PDHX: variants seen among roughly 807,000 people sequenced by gnomAD.
The protein encoded by PDHX is pyruvate dehydrogenase protein X component, mitochondrial.
PDHX carries 33 observed loss-of-function variants against 55.3 expected under a neutral mutation model. The observed-to-expected ratio is 0.60, with a 90% CI of 0.45 to 0.80. PDHX has a LOEUF of 0.80. Ranked by LOEUF, PDHX falls within the 30% of genes least tolerant of loss-of-function variation. The pLI, the probability that PDHX is intolerant of heterozygous loss-of-function variation, is 0.00. For synonymous variants in PDHX, 226 were observed against 219.4 expected (o/e 1.03, Z -0.27); for missense variants, 622 against 619.9 (o/e 1.00, Z -0.04).
chr11:34,977,898 A>G, intron 7 of PDHX: 1 of 576,500 alleles, frequency 1.7e-6, no homozygotes, highest in Non-Finnish European at 3.3e-6. Flanking sequence ...TTGATAACCA[A>G]GGCCCAGAAG....
intron 1 of PDHX, among the ~76,000 whole-genome samples, chr11:34,917,236 G>A (rs2986414): frequency 0.36 from 54,028 of 151,846 alleles, 10,194 homozygotes; most frequent in East Asian, 0.74. Context: ...TATTCTCTAG[G>A]CCTCTCTCTG....
At chr11:34,975,709 A>T (rs1218699714) in intron 7 of PDHX, among the ~76,000 whole-genome samples, 1 of 152,026 alleles carries the variant, frequency 6.6e-6, no homozygotes, top group African/African-American at 2.4e-5. Flanking sequence ...CTCTGAGTGG[A>T]TTATCACTCT....
At chr11:34,951,354 C>T (rs1315790822) in intron 3 of PDHX, among the ~76,000 whole-genome samples, 17 of 152,076 alleles carry the variant, frequency 1.1e-4, no homozygotes, top group African/African-American at 3.4e-4. Flanking sequence ...CCACCGCGCC[C>T]GGCCTGTTTC....
chr11:34,918,335 G>A (rs552782801), intron 1 of PDHX, among the ~76,000 whole-genome samples: 1 of 151,910 alleles, frequency 6.6e-6, no homozygotes, highest in Non-Finnish European at 1.5e-5. Flanking sequence ...TACTCCAGGG[G>A]CTGAGGCAGG....
intron 5 of PDHX, among the ~76,000 whole-genome samples, chr11:34,964,851 ATAT>A (rs975324503): frequency 1.4e-4 from 18 of 130,404 alleles, no homozygotes; most frequent in African/African-American, 5.5e-4. Context: ...AGCTATTAGC[ATAT>A]TATTAGCATA....
chr11:34,950,458 C>G lies in PDHX; in HGVS notation c.342+2852C>G, dbSNP rs1238532888. Among the ~76,000 whole-genome samples the G allele has an allele frequency of 2.0e-5, 3 of 150,186 alleles. No homozygotes were observed. In the East Asian group the frequency reaches 5.9e-4, roughly 29 times the overall value. ...GTTACATATGTATACATGTGCCATG[C>G]TGGTGTGCTGCACCCATTAACTCGT... On this transcript the variant is annotated intron_variant, in intron 3 of 10. Transcript: ENST00000227868.
Position 34,916,685 on chromosome 11 carries a change from T to A in PDHX, c.30T>A (p.Asp10Glu). The A allele has an allele frequency of 6.2e-7, 1 of 1,611,804 alleles. No homozygotes were observed. Among genetic ancestry groups the A allele is most frequent in the Non-Finnish European group, 8.5e-7 (1 of 1,179,938 alleles). ...CGGCCTCCTGGAGGCTGGGCTGTGATCCGCGGCTGCTGCGTTATCTTGTGG... is the reference window on the plus strand; with the variant it reads ...CGGCCTCCTGGAGGCTGGGCTGTGAACCGCGGCTGCTGCGTTATCTTGTGG... MAASWRLGC[D>E]PRLLRYLVGF... Residue 10 changes from aspartate to glutamate, a missense_variant, in exon 1 of 11, where the codon GAT becomes GAA. Asp to Glu is a conservative substitution (Grantham distance 45). Coordinates refer to ENST00000227868, the MANE Select transcript of PDHX (RefSeq NM_003477.3).
intron 1 of PDHX, 108 bp downstream of exon 1, chr11:34,916,923 C>T: frequency 1.9e-6 from 2 of 1,073,442 alleles, no homozygotes; most frequent in Non-Finnish European, 1.4e-6. Context: ...TGCGCGGGCT[C>T]CTTATTCCCT....
At chr11:34,941,035 A>G (rs145634219) in intron 2 of PDHX, among the ~76,000 whole-genome samples, 1 of 152,016 alleles carries the variant, frequency 6.6e-6, no homozygotes, top group East Asian at 1.9e-4. Flanking sequence ...GGTGATGGAA[A>G]TGTTCTGTGT....
chr11:34,955,810 CT>C (rs59718767), intron 3 of PDHX, among the ~76,000 whole-genome samples: 6 of 151,102 alleles, frequency 4.0e-5, no homozygotes, highest in African/African-American at 1.2e-4. Context: ...TAAAGCAAAA[CT>C]TTTTTTAATG....
intron 5 of PDHX, among the ~76,000 whole-genome samples, chr11:34,965,585 A>G (rs1855113667): frequency 1.3e-5 from 2 of 152,238 alleles, no homozygotes; most frequent in South Asian, 2.1e-4. Flanking sequence ...AGTGACATCC[A>G]TCATATTCAC....
intron 10 of PDHX, 143 bp from the exon 11 acceptor site, chr11:34,994,771 T>C: frequency 1.2e-6 from 1 of 810,746 alleles, no homozygotes; most frequent in Non-Finnish European, 2.0e-6. Context: ...TTGTAAATAC[T>C]AAATGTTTCC....
intron 8 of PDHX, among the ~76,000 whole-genome samples, chr11:34,981,532 G>A (rs989808714): frequency 9.9e-5 from 15 of 152,114 alleles, no homozygotes; most frequent in Non-Finnish European, 2.1e-4. Context: ...GGGATTGCTG[G>A]GTCAAATGGT....
chr11:34,953,297 C>T (rs1481242547), intron 3 of PDHX, among the ~76,000 whole-genome samples: 1 of 152,160 alleles, frequency 6.6e-6, no homozygotes, highest in East Asian at 1.9e-4. Context: ...ATGCCATCCC[C>T]ATCAAGCTAC....
In PDHX at chr11:34,957,482, A is replaced by G. The variant is rs1854930723; in HGVS notation, c.441A>G (p.Val147=). The change falls in exon 4 of 11, where the codon GTA becomes GTG. Residue 147 remains valine, a synonymous_variant. Transcript: ENST00000227868. The stretch of plus-strand genomic sequence containing the variant: ...AACATGTTGAAATTCCCAAAGACGT[A>G]GGTCCTCCACCACCAGTTTCAAAAC... ...DWKHVEIPKD[V]GPPPPVSKPS... 2 of 1,613,748 alleles carry G rather than the reference A, an allele frequency of 1.2e-6. No homozygotes were observed. The highest frequency in any genetic ancestry group is 2.7e-5 in the African/African-American group (2 of 74,902).
intron 5 of PDHX, among the ~76,000 whole-genome samples, chr11:34,963,110 C>T (rs1855056051): frequency 6.6e-6 from 1 of 151,956 alleles, no homozygotes; most frequent in Non-Finnish European, 1.5e-5. Flanking sequence ...AGGATTTTTG[C>T]TTTTCTATAC....
chr11:34,925,801 A>T (rs997164305), intron 1 of PDHX, among the ~76,000 whole-genome samples: 5 of 152,194 alleles, frequency 3.3e-5, no homozygotes, highest in African/African-American at 1.2e-4. Context: ...CACTGACATG[A>T]TGCTCAGAGG....
At chr11:34,922,360 A>G (rs1853903742) in intron 1 of PDHX, among the ~76,000 whole-genome samples, 1 of 152,212 alleles carries the variant, frequency 6.6e-6, no homozygotes, top group African/African-American at 2.4e-5. Context: ...AGCTTACTAT[A>G]TACTATGCAC....
intron 2 of PDHX, among the ~76,000 whole-genome samples, chr11:34,933,615 C>T (rs1854230341): frequency 6.6e-6 from 1 of 152,140 alleles, no homozygotes; most frequent in Non-Finnish European, 1.5e-5. Context: ...GAAACAAGGA[C>T]CAATCCAGTC....
Sources: allele counts gnomAD v4.1 joint callset (sites outside exome capture counted in the v4.1 genomes callset), GRCh38; gene constraint gnomAD v4.1.1; transcripts MANE v1.5; gene names NCBI Gene and HGNC (gene_info 2026-07-23, HGNC 2026-07-21).